Variants in LIPA observed in about 807,000 individuals in gnomAD.
LIPA encodes lysosomal acid lipase/cholesteryl ester hydrolase.
LIPA carries 26 observed loss-of-function variants against 40.6 expected under a neutral mutation model. That is an observed-to-expected ratio of 0.64 (90% CI 0.47 to 0.89). LIPA has a LOEUF of 0.89. Among genes scored for constraint, LIPA ranks in the 40% least tolerant of loss-of-function variants. LIPA has a pLI of 0.00. For synonymous variants in LIPA, 188 were observed against 168.4 expected (o/e 1.12, Z -0.90); for missense variants, 455 against 479.6 (o/e 0.95, Z 0.48).
At chr10:89,273,784 T>G (rs1843277299) in intron 1 of LIPA, among the ~76,000 whole-genome samples, 1 of 152,234 alleles carries the variant, frequency 6.6e-6, no homozygotes, top group African/African-American at 2.4e-5. Flanking sequence ...TTATTGGGCC[T>G]CATTTCTTCA....
intron 2 of LIPA, chr10:89,402,615 G>A (rs753997422): frequency 1.9e-6 from 3 of 1,614,232 alleles, no homozygotes; most frequent in East Asian, 4.5e-5. Context: ...ACTGGCAGAA[G>A]CCCAGACTTA....
At chr10:89,383,890 A>C in intron 2 of LIPA, 1 of 1,614,216 alleles carries the variant, frequency 6.2e-7, no homozygotes. Flanking sequence ...TAAATTTAAC[A>C]CAGCATCAGG....
chr10:89,296,383 T>G (rs1226055265), intron 1 of LIPA, among the ~76,000 whole-genome samples: 1 of 150,906 alleles, frequency 6.6e-6, no homozygotes, highest in Non-Finnish European at 1.5e-5. Context: ...AGCCAGCTAC[T>G]TGGGAGGGTG....
At chr10:89,379,517 G>A (rs1283788939) in intron 2 of LIPA, among the ~76,000 whole-genome samples, 1 of 151,994 alleles carries the variant, frequency 6.6e-6, no homozygotes, top group Non-Finnish European at 1.5e-5. Context: ...TGCAGAAAAT[G>A]CTTTCACTCA....
At chr10:89,377,573 A>G (rs1844131048) in intron 2 of LIPA, among the ~76,000 whole-genome samples, 1 of 152,214 alleles carries the variant, frequency 6.6e-6, no homozygotes, top group African/African-American at 2.4e-5. Context: ...GCCCCACAGA[A>G]GAAGACCTAA....
At chr10:89,315,745 A>G (rs1019890470) in intron 1 of LIPA, among the ~76,000 whole-genome samples, 2 of 152,230 alleles carry the variant, frequency 1.3e-5, no homozygotes, top group African/African-American at 4.8e-5. Flanking sequence ...AACAGCTCAC[A>G]GATCCCTCCA....
chr10:89,374,736 G>A (rs184475189), intron 2 of LIPA, among the ~76,000 whole-genome samples: 243 of 152,308 alleles, frequency 1.6e-3, no homozygotes, highest in Non-Finnish European at 6.6e-4. Flanking sequence ...CTTCCCATCT[G>A]ATACAGAACT....
At chr10:89,225,306 G>GC in intron 5 of LIPA, 78 bp from the exon 6 acceptor site, 1 of 1,570,518 alleles carries the variant, frequency 6.4e-7, no homozygotes, top group Non-Finnish European at 8.7e-7. Context: ...GCCGTCACTC[G>GC]CGACGCCCTC....
chr10:89,313,848 C>A (rs1434431106), intron 1 of LIPA, among the ~76,000 whole-genome samples: 13 of 152,120 alleles, frequency 8.5e-5, no homozygotes, highest in Admixed American at 8.5e-4. Flanking sequence ...TTTATAGACA[C>A]AGAAAATAGA....
chr10:89,306,122 C>T (rs1363877357), intron 1 of LIPA: 1 of 1,614,082 alleles, frequency 6.2e-7, no homozygotes, highest in African/African-American at 1.3e-5. Context: ...AATGTGCAAC[C>T]TACTGGCCTA....
chr10:89,308,403 G>A (rs1180331095), intron 1 of LIPA: 5 of 152,024 alleles, frequency 3.3e-5, no homozygotes, highest in East Asian at 1.9e-4. Context: ...GCAACAAAAC[G>A]TGGGAACCTG....
intron 1 of LIPA, chr10:89,332,429 A>C: frequency 7.3e-7 from 1 of 1,365,950 alleles, no homozygotes; most frequent in Non-Finnish European, 9.7e-7. Context: ...GTTCTCACAG[A>C]TTCTGTTTCA....
At chr10:89,293,714 G>GAGAT (rs869218412) in intron 1 of LIPA, 1 of 149,356 alleles carries the variant, frequency 6.7e-6, no homozygotes, top group Admixed American at 6.7e-5. Context: ...GAGAGAGAGA[G>GAGAT]ATATCTGAGG....
In LIPA at chr10:89,388,585, G is replaced by A. The variant is rs1844224732; in HGVS notation, c.61+24206C>T. Among the ~76,000 whole-genome samples the A allele has an allele frequency of 1.3e-5, 2 of 151,992 alleles. 1 individual carries two copies. The highest frequency in any genetic ancestry group is 2.9e-5 in the Non-Finnish European group (2 of 67,996). On this transcript the variant is annotated intron_variant, in intron 2 of 8. Transcript: ENST00000371837. The stretch of plus-strand genomic sequence containing the variant: ...ATGTACGTAAGATTTTTTATGTTAA[G>A]TAAAAAAATCCAGTGTACCTGGGTT...
intron 1 of LIPA, among the ~76,000 whole-genome samples, chr10:89,413,741 T>G (rs968665404): frequency 3.5e-5 from 5 of 144,070 alleles, no homozygotes. Context: ...CACTCCAACC[T>G]GAGTGACAGA....
chr10:89,326,240 C>A (rs1328270060), intron 1 of LIPA, among the ~76,000 whole-genome samples: 2 of 152,250 alleles, frequency 1.3e-5, no homozygotes, highest in East Asian at 3.9e-4. Flanking sequence ...ATTTACACAA[C>A]GGAGTGCTCT....
chr10:89,225,321 G>A lies in LIPA; in HGVS notation c.539-93C>T, dbSNP rs185579575. 271 of 1,166,454 alleles carry A rather than the reference G, an allele frequency of 2.3e-4. No individual in the cohort carries two copies. In the East Asian group the frequency reaches 3.8e-3, roughly 16 times the overall value. The allele number at this position is 1,166,454 out of a possible 1,614,324, so 72.3% of individuals were successfully genotyped here. A position where few individuals can be genotyped will look rare whatever the true frequency, so the allele number is the denominator to read the frequency against. On this transcript the variant is annotated intron_variant, in intron 5 of 9. Transcript: ENST00000336233. ...GCCGTCACTCGCGACGCCCTCTCGCGGAGGCCTGAGACCCACGCAAACAAT... is the reference window on the plus strand; with the variant it reads ...GCCGTCACTCGCGACGCCCTCTCGCAGAGGCCTGAGACCCACGCAAACAAT...
At chr10:89,367,749 G>A (rs1429082020) in intron 2 of LIPA, among the ~76,000 whole-genome samples, 1 of 152,200 alleles carries the variant, frequency 6.6e-6, no homozygotes, top group East Asian at 1.9e-4. Flanking sequence ...GCGTTTGTGT[G>A]TGTATTTGGG....
intron 6 of LIPA, among the ~76,000 whole-genome samples, chr10:89,224,108 TAATGATCACCCCTCCCAGGGCCATCCCCA>T (rs1842736835): frequency 6.6e-6 from 1 of 152,220 alleles, no homozygotes; most frequent in Admixed American, 6.5e-5. Flanking sequence ...GAAAGGGCCT[TAATGATCACCCCTCCCAGGGCCATCCCCA>T]AGTAATTTTC....
Sources: allele counts gnomAD v4.1 joint callset (sites outside exome capture counted in the v4.1 genomes callset), GRCh38; gene constraint gnomAD v4.1.1; transcripts MANE v1.5; gene names NCBI Gene and HGNC (gene_info 2026-07-23, HGNC 2026-07-21).